SEC31A: variants seen among roughly 807,000 people sequenced by gnomAD.
SEC31A encodes the protein protein transport protein Sec31A.
In SEC31A, 70 loss-of-function variants were observed where a neutral mutation model predicts 151.0. The ratio of observed to expected loss-of-function variants is 0.46; its 90% confidence interval spans 0.38 to 0.57. SEC31A has a LOEUF of 0.57. Among genes scored for constraint, SEC31A ranks in the 20% least tolerant of loss-of-function variants. The pLI is 0.00. For synonymous variants in SEC31A, 475 were observed against 505.9 expected (o/e 0.94, Z 0.82); for missense variants, 1,330 against 1,471.2 (o/e 0.90, Z 1.57).
intron 20 of SEC31A, chr4:82,845,370 T>C: frequency 1.3e-6 from 1 of 779,790 alleles, no homozygotes; most frequent in Non-Finnish European, 1.9e-6. Context: ...CCCCAAAAGG[T>C]ATTAATAGCC....
chr4:82,879,610 A>T (rs1738818470), intron 3 of SEC31A, among the ~76,000 whole-genome samples: 1 of 152,228 alleles, frequency 6.6e-6, no homozygotes. Context: ...AAACTACTAG[A>T]CAAAAGGTAT....
At chr4:82,863,236 T>C (rs1478290669) in intron 12 of SEC31A, 82 bp downstream of exon 12, 26 of 810,458 alleles carry the variant, frequency 3.2e-5, no homozygotes, top group Non-Finnish European at 1.4e-5. Context: ...TATTGGGTGA[T>C]TTGAGATAAT....
At chr4:82,846,709 ATTTTTTTGTTTG>A (rs1476390630) in intron 20 of SEC31A, among the ~76,000 whole-genome samples, 3 of 151,190 alleles carry the variant, frequency 2.0e-5, no homozygotes, top group Non-Finnish European at 4.4e-5. Context: ...TTACTTCATT[ATTTTTTTGTTTG>A]TTTGTTTTGA....
At chr4:82,829,283 G>A in intron 22 of SEC31A, 1 of 434,240 alleles carries the variant, frequency 2.3e-6, no homozygotes. Context: ...TCTTGACACT[G>A]TTTCCATTTA....
intron 21 of SEC31A, chr4:82,842,718 T>C (rs2149247686): frequency 2.2e-6 from 1 of 450,690 alleles, no homozygotes; most frequent in Non-Finnish European, 4.0e-6. Flanking sequence ...GTTATGAAAA[T>C]ATTTGAATCA....
rs1301987806 is a variant in SEC31A, at chr4:82,844,407, G to A, written c.2605C>T (p.Pro869Ser). 6.2e-7 allele frequency: 1 copy of A among 1,614,140 alleles called. No individual in the cohort carries two copies. The highest frequency in any genetic ancestry group is 1.7e-5 in the Admixed American group (1 of 60,012). The change falls in exon 21 of 27, where the codon CCA (proline) becomes TCA (serine). Residue 869 changes from proline (P) to serine (S), a missense_variant. Physicochemically the swap from Pro to Ser is moderately conservative, Grantham distance 74. Transcript: ENST00000395310. ...TSPGHMHTQV[P>S]PYPQPQPYQP... ...TTACGCTGTGGCTGTGGATAAGGTGGTACCTGGGTGTGCATATGACCTGGA... is the reference window on the plus strand; with the variant it reads ...TTACGCTGTGGCTGTGGATAAGGTGATACCTGGGTGTGCATATGACCTGGA...
intron 2 of SEC31A, 118 bp from the exon 3 acceptor site, chr4:82,881,040 G>A (rs1321495767): frequency 1.2e-6 from 1 of 803,984 alleles, no homozygotes; most frequent in Non-Finnish European, 2.0e-6. Context: ...CTGCACATAT[G>A]CCATTGAGCA....
chr4:82,891,474 C>T (rs1398316972), upstream of SEC31A, among the ~76,000 whole-genome samples: 1 of 152,198 alleles, frequency 6.6e-6, no homozygotes, highest in African/African-American at 2.4e-5. Context: ...CCCGTCTGGC[C>T]GAATAACCGC....
chr4:82,851,744 C>A (rs2149359291), intron 18 of SEC31A, 140 bp from the exon 19 acceptor site: 1 of 675,250 alleles, frequency 1.5e-6, no homozygotes, highest in South Asian at 2.2e-5. Flanking sequence ...AAAAGTACAG[C>A]CACTATTTAG....
rs574784537 is a variant in SEC31A at position 82,874,201 on chromosome 4, G to A, written c.639+410C>T. ...TAATCTCAGCTACTCGGAAGGCTGG[G>A]GCAGGAGAAGTGCTTGAACCCAGGA... is the stretch of plus-strand genomic sequence containing the variant. On this transcript the variant is annotated intron_variant, in intron 6 of 26. Transcript: ENST00000395310. 2.6e-4 allele frequency among the ~76,000 whole-genome samples: 40 copies of A among 152,152 alleles called. No individual in the cohort carries two copies. The South Asian group carries it at 8.3e-3, about 32-fold the overall frequency.
At chr4:82,898,005 G>A (rs1485097334) in intron 3 of SEC31A, 1 of 152,158 alleles carries the variant, frequency 6.6e-6, no homozygotes, top group Non-Finnish European at 1.5e-5. Context: ...TGCATATTTT[G>A]AGTAATTATC....
Position 82,819,201 on chromosome 4 carries a change from G to A in SEC31A, c.3536C>T (p.Thr1179Ile). 6.2e-7 allele frequency: 1 copy of A among 1,611,226 alleles called. No homozygotes were observed. Reference sequence around the variant, plus strand: ...GGTCAATCCTTCTGAGTAGTTTCGAGTTTCAATGCTCCTTGCAATGTTGTG... The same window carrying A: ...GGTCAATCCTTCTGAGTAGTTTCGAATTTCAATGCTCCTTGCAATGTTGTG... ...GLHNIARSIE[T>I]RNYSEGLTMH... is the part of the protein sequence containing the mutation. Residue 1179 changes from threonine to isoleucine, a missense_variant, in exon 27 of 27, where the codon ACT (threonine) becomes ATT (isoleucine). By Grantham distance (89) the Thr-to-Ile change is moderately conservative. Transcript: ENST00000395310.
At chr4:82,846,107 C>T (rs1214939756) in intron 20 of SEC31A, among the ~76,000 whole-genome samples, 1 of 151,852 alleles carries the variant, frequency 6.6e-6, no homozygotes. Flanking sequence ...AGGTTCATGC[C>T]ATTCTCCTGC....
intron 24 of SEC31A, among the ~76,000 whole-genome samples, chr4:82,825,569 C>T (rs980185759): frequency 3.3e-5 from 5 of 152,012 alleles, no homozygotes; most frequent in African/African-American, 7.2e-5. Context: ...GGAAGGATCA[C>T]GGTAAAAGGG....
chr4:82,845,061 C>T lies in SEC31A; in HGVS notation c.2503-552G>A, dbSNP rs1465196775. The stretch of plus-strand genomic sequence containing the variant: ...TGTGCTAAAAACTGCTTCTTGCATC[C>T]TAAAAGCATTAAAATGCAATGAGCA... On this transcript the variant is annotated intron_variant, in intron 20 of 26. Transcript: ENST00000395310. 3.2e-5 allele frequency: 18 copies of T among 557,020 alleles called. 1 individual carries two copies. The East Asian group carries it at 5.4e-4, about 17-fold the overall frequency. 34.5% of individuals were successfully genotyped at this position (557,020 alleles called of 1,614,324 possible). A position where few individuals can be genotyped will look rare whatever the true frequency, so the allele number is the denominator to read the frequency against.
At chr4:82,871,369 T>C (rs1316393173) in intron 7 of SEC31A, 3 of 1,523,834 alleles carry the variant, frequency 2.0e-6, no homozygotes, top group Non-Finnish European at 2.6e-6. Flanking sequence ...ATGTTTTACC[T>C]ATGGATGGGC....
At position 82,875,235 on chromosome 4, in the gene SEC31A, C is replaced by T. The variant is rs1206472680; in HGVS notation, c.499-484G>A. ...TACAATGGCTACTCAAGTTGGATAG[C>T]CTATACAACATAAAGAAACTCAGGG... is the stretch of plus-strand genomic sequence containing the variant. On this transcript the variant is annotated intron_variant, in intron 5 of 26. Coordinates refer to ENST00000395310, the MANE Select transcript of SEC31A (RefSeq NM_001077207.4). Among the ~76,000 whole-genome samples, 54 of 152,068 alleles carry T rather than the reference C, an allele frequency of 3.6e-4. 2 individuals carry two copies. Among genetic ancestry groups the T allele is most frequent in the Admixed American group, 3.5e-3 (53 of 15,266 alleles).
chr4:82,838,684 A>G (rs944371718), intron 22 of SEC31A, among the ~76,000 whole-genome samples: 6 of 152,174 alleles, frequency 3.9e-5, no homozygotes, highest in African/African-American at 1.4e-4. Flanking sequence ...AATACAAACT[A>G]TATGTTCAAT....
Position 82,870,362 on chromosome 4 carries a change from T to A in SEC31A, c.845A>T (p.Asp282Val). 1 of 1,614,012 alleles carries A rather than the reference T, an allele frequency of 6.2e-7. No individual in the cohort carries two copies. The highest frequency in any genetic ancestry group is 8.5e-7 in the Non-Finnish European group (1 of 1,179,916). ...DPELLLSCGK[D>V]AKILCSNPNT... ...TGGATTGGAGCAGAGAATCTTAGCA[T>A]CTTTTCCACAGCTCAGTAACAATTC... The change falls in exon 8 of 27, where the codon GAT (aspartate) becomes GTT (valine). Residue 282 changes from aspartate (D) to valine (V), a missense_variant. Asp to Val is a radical substitution (Grantham distance 152, BLOSUM62 -3). Coordinates refer to ENST00000395310, the MANE Select transcript of SEC31A (RefSeq NM_001077207.4).
Sources: gnomAD v4.1 joint callset for allele counts (sites outside exome capture counted in the v4.1 genomes callset) on GRCh38, gnomAD v4.1.1 for gene constraint, MANE v1.5 for transcripts, NCBI Gene and HGNC (gene_info 2026-07-23, HGNC 2026-07-21) for gene names.